Variants in EYS observed in about 807,000 individuals in gnomAD.
EYS encodes the protein protein eyes shut homolog.
Under a neutral mutation model 282.1 loss-of-function variants are expected in EYS, and 250 were observed. That is an observed-to-expected ratio of 0.89 (90% CI 0.80 to 0.98). The LOEUF is 0.98. Ranked by LOEUF, EYS falls within the 50% of genes least tolerant of loss-of-function variation. The pLI is 0.00. For missense variants in EYS, 4,016 were observed against 3,709.0 expected, an observed-to-expected ratio of 1.08 and a Z score of -2.15; for synonymous variants, 1,355 against 1,282.9, an observed-to-expected ratio of 1.06 and a Z score of -1.20.
At position 64,166,922 on chromosome 6, in the gene EYS, TCTCA is replaced by T. The variant is rs373084265; in HGVS notation, c.6424+63666_6424+63669del. On this transcript the variant is annotated intron_variant, in intron 31 of 42. Coordinates refer to ENST00000503581, the MANE Select transcript of EYS (RefSeq NM_001142800.2). ...CAATAATGTGCTATTCCTTTTTCAC[TCTCA>T]CTGTGATAAAAATTTTGCTAAAGTT... 3.5e-3 allele frequency among the ~76,000 whole-genome samples: 533 copies of T among 152,310 alleles called. 2 individuals carry two copies. Among genetic ancestry groups the T allele is most frequent in the African/African-American group, 0.012 (496 of 41,570 alleles).
chr6:65,645,073 A>C (rs1443513483), intron 1 of EYS, among the ~76,000 whole-genome samples: 1 of 151,462 alleles, frequency 6.6e-6, no homozygotes, highest in East Asian at 2.0e-4. Flanking sequence ...CTAATGTTGA[A>C]AATGAACTAA....
At chr6:64,254,811 T>G (rs546951196) in intron 30 of EYS, among the ~76,000 whole-genome samples, 1 of 152,118 alleles carries the variant, frequency 6.6e-6, no homozygotes, top group African/African-American at 2.4e-5. Flanking sequence ...CTAATACATC[T>G]GTCAATACAC....
In EYS at chr6:65,361,770, C is replaced by A. The variant is rs748336542; in HGVS notation, c.1300-8153G>T. ...TGCTGGGATTACAGGCATGCACCAC[C>A]ATGCTCATCCTGAAAGTAATTTCTT... On this transcript the variant is annotated intron_variant, in intron 8 of 42. Coordinates refer to ENST00000503581, the MANE Select transcript of EYS (RefSeq NM_001142800.2). 8.3e-4 allele frequency among the ~76,000 whole-genome samples: 127 copies of A among 152,234 alleles called. 1 individual carries two copies. The highest frequency in any genetic ancestry group is 2.0e-3 in the Admixed American group (30 of 15,268).
At chr6:64,170,185 C>A (rs553582506) in intron 31 of EYS, among the ~76,000 whole-genome samples, 38 of 152,204 alleles carry the variant, frequency 2.5e-4, no homozygotes, top group Admixed American at 2.2e-3. Flanking sequence ...AAAGAAAAAT[C>A]ATTTGCTGCC....
rs1200521673 is a variant in EYS, at chr6:64,590,334, T to C, written c.5533A>G (p.Ser1845Gly). 2.8e-5 allele frequency: 43 copies of C among 1,551,158 alleles called. No homozygotes were observed. Among genetic ancestry groups the C allele is most frequent in the Non-Finnish European group, 3.6e-5 (41 of 1,146,676 alleles). Residue 1845 changes from serine to glycine, a missense_variant, in exon 26 of 43, where the codon AGT becomes GGT. Transcript: ENST00000503581. ...SEWSKWELQPSVQYQEFPTAS... is the reference protein window; with the variant it reads ...SEWSKWELQPGVQYQEFPTAS... ...GTGGGAAATTCCTGATATTGCACACTAGGCTGAAGTTCCCATTTGGACCAT... is the reference window on the plus strand; with the variant it reads ...GTGGGAAATTCCTGATATTGCACACCAGGCTGAAGTTCCCATTTGGACCAT...
chr6:65,130,150 C>T (rs1328757333), intron 12 of EYS, among the ~76,000 whole-genome samples: 4 of 151,390 alleles, frequency 2.6e-5, no homozygotes, highest in African/African-American at 7.3e-5. Flanking sequence ...GACACTGGAG[C>T]CTAGTAGAGG....
chr6:65,548,412 G>C (rs1258340391), intron 2 of EYS, among the ~76,000 whole-genome samples: 1 of 152,060 alleles, frequency 6.6e-6, no homozygotes, highest in Non-Finnish European at 1.5e-5. Flanking sequence ...ACTTGTCAAA[G>C]CTTTTAATAA....
chr6:64,622,183 C>T (rs1336087154), intron 23 of EYS, among the ~76,000 whole-genome samples: 2 of 152,088 alleles, frequency 1.3e-5, no homozygotes, highest in African/African-American at 2.4e-5. Flanking sequence ...CTAACCTGAG[C>T]TCCACTTGTC....
chr6:64,997,910 C>A (rs1409601443), intron 13 of EYS, among the ~76,000 whole-genome samples: 1 of 151,804 alleles, frequency 6.6e-6, no homozygotes, highest in Non-Finnish European at 1.5e-5. Flanking sequence ...AAAAAAAAAA[C>A]TTCAGTTAGT....
At chr6:65,617,630 C>T (rs577831001) in intron 2 of EYS, among the ~76,000 whole-genome samples, 35 of 150,548 alleles carry the variant, frequency 2.3e-4, no homozygotes, top group Non-Finnish European at 4.4e-4. Context: ...TATACATGTG[C>T]CATGCTGGTG....
intron 31 of EYS, among the ~76,000 whole-genome samples, chr6:64,138,885 CTAGTGTT>C (rs1441983487): frequency 1.3e-5 from 2 of 152,228 alleles, no homozygotes; most frequent in Non-Finnish European, 2.9e-5. Flanking sequence ...ACTTTTATGC[CTAGTGTT>C]CCATTATTGG....
At chr6:64,813,706 G>A (rs1764666470) in intron 21 of EYS, 129 bp from the exon 22 acceptor site, 1 of 538,806 alleles carries the variant, frequency 1.9e-6, no homozygotes, top group South Asian at 4.9e-5. Flanking sequence ...TCCTTCCTCT[G>A]TTAATTGAAA....
At chr6:63,899,055 A>C (rs1314949969) in intron 35 of EYS, among the ~76,000 whole-genome samples, 1 of 152,252 alleles carries the variant, frequency 6.6e-6, no homozygotes, top group Non-Finnish European at 1.5e-5. Context: ...TAAGCTGAAA[A>C]CAGCTAAAAT....
intron 11 of EYS, among the ~76,000 whole-genome samples, chr6:65,300,673 GTTTTCTAGTGAC>G (rs914362952): frequency 2.2e-4 from 34 of 152,186 alleles, no homozygotes; most frequent in African/African-American, 7.7e-4. Context: ...ATTGTGAGTG[GTTTTCTAGTGAC>G]TTTATTGCAC....
At chr6:64,584,388 T>C (rs988937633) in intron 26 of EYS, among the ~76,000 whole-genome samples, 1 of 151,546 alleles carries the variant, frequency 6.6e-6, no homozygotes, top group African/African-American at 2.4e-5. Context: ...ATAGTTGTTT[T>C]CCAATTTTTA....
intron 2 of EYS, among the ~76,000 whole-genome samples, chr6:65,531,043 A>C (rs1767749732): frequency 6.6e-6 from 1 of 152,182 alleles, no homozygotes; most frequent in African/African-American, 2.4e-5. Context: ...TTACAGTAGA[A>C]ATATAAATGA....
chr6:64,945,188 T>C (rs1300709316), intron 15 of EYS, among the ~76,000 whole-genome samples: 3 of 148,720 alleles, frequency 2.0e-5, no homozygotes, highest in African/African-American at 7.4e-5. Flanking sequence ...AATAAAGGTG[T>C]GATATGCTGA....
chr6:65,515,796 TG>T (rs1244984741), intron 2 of EYS, among the ~76,000 whole-genome samples: 2 of 58,570 alleles, frequency 3.4e-5, no homozygotes, highest in African/African-American at 1.4e-4. Flanking sequence ...TGTTGTGGGG[TG>T]GGGGGAGGGG....
At chr6:65,290,727 A>T (rs532753626) in intron 12 of EYS, among the ~76,000 whole-genome samples, 1 of 151,556 alleles carries the variant, frequency 6.6e-6, no homozygotes, top group South Asian at 2.1e-4. Context: ...TTAGTGCATC[A>T]GTGTGTGCAA....
Sources: gnomAD v4.1 joint callset for allele counts (sites outside exome capture counted in the v4.1 genomes callset) on GRCh38, gnomAD v4.1.1 for gene constraint, MANE v1.5 for transcripts, NCBI Gene and HGNC (gene_info 2026-07-23, HGNC 2026-07-21) for gene names.